TRIM44: variants seen among roughly 807,000 people sequenced by gnomAD.
TRIM44 encodes the protein tripartite motif-containing protein 44.
TRIM44 carries 13 observed loss-of-function variants against 37.4 expected under a neutral mutation model. That is an observed-to-expected ratio of 0.35 (90% CI 0.23 to 0.55). The LOEUF (loss-of-function observed/expected upper bound fraction) is 0.55. Among genes scored for constraint, TRIM44 ranks in the 20% least tolerant of loss-of-function variants. The pLI is 0.89. For missense variants in TRIM44, 426 were observed against 437.2 expected (o/e 0.97, Z 0.23); for synonymous variants, 175 against 157.2 (o/e 1.11, Z -0.85).
chr11:35,748,003 T>G (rs1322291147), intron 4 of TRIM44, among the ~76,000 whole-genome samples: 2 of 152,146 alleles, frequency 1.3e-5, no homozygotes, highest in East Asian at 1.9e-4. Context: ...TGCTACTAGC[T>G]TTTGGCACTC....
At chr11:35,728,938 A>G (rs1266063987) in intron 3 of TRIM44, among the ~76,000 whole-genome samples, 1 of 152,200 alleles carries the variant, frequency 6.6e-6, no homozygotes, top group South Asian at 2.1e-4. Context: ...TCTGAGCAAG[A>G]TGGAGTAAAC....
chr11:35,663,001 G>A lies in TRIM44; in HGVS notation c.-111G>A. ...TTCGAGACGCGGCGCGGTCCAGGCG[G>A]GAGGCGACTCCCTAGGAAGGGACCC... On this transcript the variant is annotated 5_prime_UTR_variant, in exon 1 of 5. Transcript: ENST00000299413. The A allele has an allele frequency of 7.1e-7, 1 of 1,415,150 alleles. No individual in the cohort carries two copies. The highest frequency in any genetic ancestry group is 9.2e-7 in the Non-Finnish European group (1 of 1,089,888). The allele number at this position is 1,415,150 out of a possible 1,614,324, so 87.7% of individuals were successfully genotyped here.
At chr11:35,704,926 G>A (rs1478523637) in intron 2 of TRIM44, among the ~76,000 whole-genome samples, 1 of 150,542 alleles carries the variant, frequency 6.6e-6, no homozygotes, top group African/African-American at 2.5e-5. Context: ...AACTTTAAAT[G>A]TAAATGGACT....
Position 35,809,140 on chromosome 11 carries a change from C to T in TRIM44, c.*2755C>T, listed in dbSNP as rs528857283. ...CAGTCCCAAGAAGTGCTTGGAGTCTCGGCTCTGACAGCCCAAGAAGGGAAA... is the reference window on the plus strand; with the variant it reads ...CAGTCCCAAGAAGTGCTTGGAGTCTTGGCTCTGACAGCCCAAGAAGGGAAA... On this transcript the variant is annotated 3_prime_UTR_variant, in exon 5 of 5. Coordinates refer to ENST00000299413, the MANE Select transcript of TRIM44 (RefSeq NM_017583.6). 6 of 152,262 alleles carry T rather than the reference C, an allele frequency of 3.9e-5. No individual in the cohort carries two copies. The highest frequency in any genetic ancestry group is 1.4e-4 in the African/African-American group (6 of 41,550). The allele number at this position is 152,262 out of a possible 1,614,324, so 9.4% of individuals were successfully genotyped here. A position where few individuals can be genotyped will look rare whatever the true frequency, so the allele number is the denominator to read the frequency against.
intron 4 of TRIM44, among the ~76,000 whole-genome samples, chr11:35,800,162 C>A (rs541550633): frequency 6.6e-6 from 1 of 152,256 alleles, no homozygotes; most frequent in East Asian, 1.9e-4. Context: ...TCAGATGTGT[C>A]CGGAGTTTCT....
At chr11:35,704,458 G>A (rs889952804) in intron 2 of TRIM44, among the ~76,000 whole-genome samples, 10 of 152,126 alleles carry the variant, frequency 6.6e-5, no homozygotes, top group African/African-American at 2.4e-4. Context: ...ACACATAATT[G>A]TCAGATTCAC....
chr11:35,683,539 A>G (rs1373119283), intron 1 of TRIM44, among the ~76,000 whole-genome samples: 1 of 152,206 alleles, frequency 6.6e-6, no homozygotes, highest in Non-Finnish European at 1.5e-5. Context: ...TCACAGATCC[A>G]GAGGCCAATT....
rs576965684 is a variant in TRIM44 at position 35,679,328 on chromosome 11, C to T, written c.670-5931C>T. ...ATTCTACTTTTGCTTCTACCCTTTA[C>T]CCATTTTTAAGGCATGTTTCCATTA... On this transcript the variant is annotated intron_variant, in intron 1 of 4. Coordinates refer to ENST00000299413, the MANE Select transcript of TRIM44 (RefSeq NM_017583.6). Among the ~76,000 whole-genome samples the T allele has an allele frequency of 5.3e-5, 8 of 152,280 alleles. No homozygotes were observed. In the East Asian group the frequency reaches 1.5e-3, roughly 29 times the overall value.
intron 4 of TRIM44, among the ~76,000 whole-genome samples, chr11:35,781,197 C>T (rs1590596615): frequency 6.6e-6 from 1 of 151,558 alleles, no homozygotes; most frequent in East Asian, 1.9e-4. Context: ...ATGTTATAGG[C>T]AAAGGAGCAG....
intron 4 of TRIM44, among the ~76,000 whole-genome samples, chr11:35,793,862 C>T (rs1053824570): frequency 6.6e-6 from 1 of 152,030 alleles, no homozygotes; most frequent in African/African-American, 2.4e-5. Flanking sequence ...GTATTTTCTT[C>T]GTCTGTAAAA....
At chr11:35,756,297 C>T (rs1269113130) in intron 4 of TRIM44, among the ~76,000 whole-genome samples, 2 of 152,032 alleles carry the variant, frequency 1.3e-5, no homozygotes, top group African/African-American at 4.8e-5. Context: ...CATGATTTGG[C>T]TCTCTGTTTG....
At chr11:35,776,886 A>G (rs1303334119) in intron 4 of TRIM44, among the ~76,000 whole-genome samples, 3 of 152,186 alleles carry the variant, frequency 2.0e-5, no homozygotes, top group South Asian at 2.1e-4. Flanking sequence ...TATGTGGTCA[A>G]TTTTGGAATA....
At chr11:35,781,063 G>A (rs748557073) in intron 4 of TRIM44, among the ~76,000 whole-genome samples, 7 of 152,122 alleles carry the variant, frequency 4.6e-5, no homozygotes, top group Non-Finnish European at 8.8e-5. Flanking sequence ...TTGGTAGAAA[G>A]GGACTGGGGA....
rs977869902 is a variant in TRIM44, at chr11:35,808,381, C to A, written c.*1996C>A. 6.6e-6 allele frequency: 1 copy of A among 151,938 alleles called. No homozygotes were observed. The highest frequency in any genetic ancestry group is 2.4e-5 in the African/African-American group (1 of 41,354). 9.4% of individuals were successfully genotyped at this position (151,938 alleles called of 1,614,324 possible). On this transcript the variant is annotated 3_prime_UTR_variant, in exon 5 of 5. Coordinates refer to ENST00000299413, the MANE Select transcript of TRIM44 (RefSeq NM_017583.6). ...TAAAAGAAGGACCAGTGGCCACTCTCGAAAAAATTTAAGTATCAGAAGATT... is the reference window on the plus strand; with the variant it reads ...TAAAAGAAGGACCAGTGGCCACTCTAGAAAAAATTTAAGTATCAGAAGATT...
At chr11:35,762,225 A>G (rs1322562605) in intron 4 of TRIM44, among the ~76,000 whole-genome samples, 2 of 152,188 alleles carry the variant, frequency 1.3e-5, no homozygotes, top group East Asian at 1.9e-4. Context: ...TGCTTTTCCA[A>G]TTGAGGGCTA....
chr11:35,780,705 T>A (rs1853051476), intron 4 of TRIM44, among the ~76,000 whole-genome samples: 1 of 152,032 alleles, frequency 6.6e-6, no homozygotes, highest in Admixed American at 6.6e-5. Flanking sequence ...CCACATAGCA[T>A]CTCAAAGCCA....
intron 4 of TRIM44, among the ~76,000 whole-genome samples, chr11:35,787,270 C>G (rs2133875237): frequency 6.6e-6 from 1 of 152,268 alleles, no homozygotes; most frequent in Admixed American, 6.5e-5. Flanking sequence ...GCCAGCGTGT[C>G]TGGAAGTATA....
chr11:35,679,438 A>G (rs775629261), intron 1 of TRIM44, among the ~76,000 whole-genome samples: 4 of 152,194 alleles, frequency 2.6e-5, no homozygotes, highest in Non-Finnish European at 1.5e-5. Flanking sequence ...AGGCACCCCA[A>G]TTTTCATGGT....
At chr11:35,759,692 T>G (rs573785627) in intron 4 of TRIM44, among the ~76,000 whole-genome samples, 1 of 152,296 alleles carries the variant, frequency 6.6e-6, no homozygotes, top group African/African-American at 2.4e-5. Flanking sequence ...TGGATGTCCT[T>G]TCTGTTAGTT....
Sources: allele counts gnomAD v4.1 joint callset (sites outside exome capture counted in the v4.1 genomes callset), GRCh38; gene constraint gnomAD v4.1.1; transcripts MANE v1.5; gene names NCBI Gene and HGNC (gene_info 2026-07-23, HGNC 2026-07-21).